The following LRRC28 variants were observed in gnomAD, a reference collection of about 807,000 sequenced individuals.
LRRC28 encodes leucine rich repeat containing 28.
A neutral mutation model predicts 45.7 loss-of-function variants in LRRC28; 39 were observed. That is an observed-to-expected ratio of 0.85 (90% confidence interval 0.66 to 1.12). The LOEUF (loss-of-function observed/expected upper bound fraction) is 1.12, where lower values mean the gene tolerates loss of function less well. LRRC28 is among the 50% of genes most tolerant of loss of function. The pLI, the probability that LRRC28 is intolerant of heterozygous loss-of-function variation, is 0.00. For missense variants in LRRC28, 435 were observed against 438.5 expected, an observed-to-expected ratio of 0.99 and a Z score of 0.07; for synonymous variants, 206 against 178.8, an observed-to-expected ratio of 1.15 and a Z score of -1.22.
chr15:99,301,045 T>C (rs1185771061), intron 5 of LRRC28, among the ~76,000 whole-genome samples: 3 of 152,122 alleles, frequency 2.0e-5, no homozygotes, highest in Non-Finnish European at 2.9e-5. Flanking sequence ...ATACACAGGG[T>C]GTTGTCTTGC....
intron 6 of LRRC28, among the ~76,000 whole-genome samples, chr15:99,343,563 T>C (rs1956586229): frequency 6.6e-6 from 1 of 152,196 alleles, no homozygotes. Context: ...CACAATACAG[T>C]ACTTTAAAAA....
At chr15:99,334,717 C>T (rs1261760710) in intron 6 of LRRC28, among the ~76,000 whole-genome samples, 1 of 152,012 alleles carries the variant, frequency 6.6e-6, no homozygotes, top group Non-Finnish European at 1.5e-5. Flanking sequence ...TTGAATAAAA[C>T]AGTACATTTA....
intron 7 of LRRC28, among the ~76,000 whole-genome samples, chr15:99,357,892 T>A (rs1957090476): frequency 6.6e-6 from 1 of 152,008 alleles, no homozygotes; most frequent in Non-Finnish European, 1.5e-5. Flanking sequence ...ATTCAAACTA[T>A]GGCCATTAAA....
intron 7 of LRRC28, among the ~76,000 whole-genome samples, chr15:99,358,239 A>G (rs529589280): frequency 6.6e-6 from 1 of 152,322 alleles, no homozygotes; most frequent in East Asian, 1.9e-4. Context: ...AATAAATATC[A>G]CAAGAAAGGA....
intron 7 of LRRC28, among the ~76,000 whole-genome samples, chr15:99,356,743 T>A (rs1311041905): frequency 6.6e-6 from 1 of 152,128 alleles, no homozygotes; most frequent in Non-Finnish European, 1.5e-5. Context: ...AAGAAAACCA[T>A]GCGTAGGCAA....
intron 5 of LRRC28, among the ~76,000 whole-genome samples, chr15:99,313,481 C>T (rs1483208715): frequency 6.6e-6 from 1 of 152,060 alleles, no homozygotes; most frequent in Non-Finnish European, 1.5e-5. Context: ...TTTTGCAGCA[C>T]ACATAGAATA....
At position 99,270,471 on chromosome 15, in the gene LRRC28, A is replaced by G. The variant is rs531020049; in HGVS notation, c.169-6105A>G. On this transcript the variant is annotated intron_variant, in intron 2 of 9. Coordinates refer to ENST00000301981, the MANE Select transcript of LRRC28 (RefSeq NM_144598.5). ...CCACACCCAGCCCTGGTAACCAGCAATCTGTTTTCTCTCTGGGTTAACTCT... is the reference window on the plus strand; with the variant it reads ...CCACACCCAGCCCTGGTAACCAGCAGTCTGTTTTCTCTCTGGGTTAACTCT... Among the ~76,000 whole-genome samples, 5 of 147,970 alleles carry G rather than the reference A, an allele frequency of 3.4e-5. No individual in the cohort carries two copies. The East Asian group carries it at 8.3e-4, about 24-fold the overall frequency.
intron 2 of LRRC28, among the ~76,000 whole-genome samples, chr15:99,273,085 C>G (rs2081523371): frequency 6.6e-6 from 1 of 152,180 alleles, no homozygotes; most frequent in Non-Finnish European, 1.5e-5. Context: ...AAACGTATAA[C>G]ATTTCTCAGC....
At chr15:99,329,694 A>G (rs894751109) in intron 5 of LRRC28, among the ~76,000 whole-genome samples, 4 of 152,222 alleles carry the variant, frequency 2.6e-5, no homozygotes, top group Non-Finnish European at 5.9e-5. Context: ...ATTTCTTGAG[A>G]TCTTCGCTCT....
intron 5 of LRRC28, among the ~76,000 whole-genome samples, chr15:99,308,909 C>T (rs151082803): frequency 1.7e-3 from 266 of 152,180 alleles, no homozygotes; most frequent in African/African-American, 5.6e-3. Context: ...CAACTGCAGA[C>T]GAATAAAGGA....
At chr15:99,280,228 C>A (rs1402477792) in intron 3 of LRRC28, among the ~76,000 whole-genome samples, 2 of 151,652 alleles carry the variant, frequency 1.3e-5, no homozygotes, top group Non-Finnish European at 2.9e-5. Flanking sequence ...TACAAATATT[C>A]TCTCCCAGTG....
intron 2 of LRRC28, 196 bp downstream of exon 2, chr15:99,256,321 CGGA>C (rs762217227): frequency 2.4e-6 from 1 of 422,074 alleles, no homozygotes; most frequent in Non-Finnish European, 4.1e-6. Flanking sequence ...ATGAGGTTGC[CGGA>C]GAAGTTGTGT....
chr15:99,330,854 T>G (rs1333350905), intron 5 of LRRC28, among the ~76,000 whole-genome samples: 1 of 152,194 alleles, frequency 6.6e-6, no homozygotes. Context: ...GCAATTTCAG[T>G]TACTGTGCTG....
At chr15:99,306,611 A>G (rs2152254983) in intron 5 of LRRC28, among the ~76,000 whole-genome samples, 1 of 152,338 alleles carries the variant, frequency 6.6e-6, no homozygotes, top group East Asian at 1.9e-4. Context: ...ATACCCTTCC[A>G]TATAGCATAA....
At chr15:99,379,429 C>G (rs1313126055) in intron 9 of LRRC28, among the ~76,000 whole-genome samples, 1 of 152,028 alleles carries the variant, frequency 6.6e-6, no homozygotes, top group Non-Finnish European at 1.5e-5. Flanking sequence ...ATTCTTCTCC[C>G]TTTTCTTCTT....
chr15:99,311,910 G>A (rs1015246125), intron 5 of LRRC28, among the ~76,000 whole-genome samples: 7 of 152,120 alleles, frequency 4.6e-5, no homozygotes, highest in Non-Finnish European at 1.5e-5. Flanking sequence ...TAACAGTGAG[G>A]AAAGTGGAAA....
intron 5 of LRRC28, among the ~76,000 whole-genome samples, chr15:99,296,982 C>T (rs1413797944): frequency 6.6e-6 from 1 of 152,018 alleles, no homozygotes; most frequent in Non-Finnish European, 1.5e-5. Context: ...CAATCTGCCT[C>T]AGCTTGCTAG....
chr15:99,368,420 C>G (rs931258438), intron 9 of LRRC28, among the ~76,000 whole-genome samples: 6 of 152,126 alleles, frequency 3.9e-5, no homozygotes, highest in African/African-American at 1.4e-4. Context: ...AGGTGAAATT[C>G]CATTAGATTT....
At chr15:99,363,378 A>G (rs1957260159) in intron 9 of LRRC28, 113 bp downstream of exon 9, 1 of 1,072,276 alleles carries the variant, frequency 9.3e-7, no homozygotes, top group African/African-American at 1.6e-5. Flanking sequence ...GGGGCATAAC[A>G]TGCTTCCTGA....
Sources: allele counts gnomAD v4.1 joint callset (sites outside exome capture counted in the v4.1 genomes callset), GRCh38; gene constraint gnomAD v4.1.1; transcripts MANE v1.5; gene names NCBI Gene and HGNC (gene_info 2026-07-23, HGNC 2026-07-21).